Variants in RAPGEF2 observed in about 807,000 individuals in gnomAD.
RAPGEF2 encodes Rap guanine nucleotide exchange factor 2.
RAPGEF2 carries 54 observed loss-of-function variants against 186.7 expected under a neutral mutation model. That is an observed-to-expected ratio of 0.29 (90% CI 0.23 to 0.36). The LOEUF is 0.36. Among genes scored for constraint, RAPGEF2 ranks in the 10% least tolerant of loss-of-function variants. The probability of loss-of-function intolerance (pLI) is 1.00; values close to 1 mark genes in which losing one functional copy is unlikely to be tolerated. For missense variants in RAPGEF2, 1,532 were observed against 2,045.0 expected (o/e 0.75, Z 4.84); for synonymous variants, 712 against 705.9 (o/e 1.01, Z -0.14).
At chr4:159,154,469 C>G (rs1371034688) in intron 1 of RAPGEF2, among the ~76,000 whole-genome samples, 1 of 150,778 alleles carries the variant, frequency 6.6e-6, no homozygotes, top group African/African-American at 2.4e-5. Flanking sequence ...ATTACAAACA[C>G]ATTCTTATGT....
At chr4:159,322,582 C>G in intron 10 of RAPGEF2, 99 bp downstream of exon 10, 1 of 946,460 alleles carries the variant, frequency 1.1e-6, no homozygotes, top group Non-Finnish European at 1.6e-6. Flanking sequence ...CTTTTTAATA[C>G]CCAACAACAG....
intron 1 of RAPGEF2, among the ~76,000 whole-genome samples, chr4:159,107,454 A>G (rs1218232606): frequency 6.6e-6 from 1 of 152,194 alleles, no homozygotes; most frequent in East Asian, 1.9e-4. Context: ...GTCTAAATGC[A>G]TACCATTTTC....
At chr4:159,136,228 C>T (rs192992955) in intron 1 of RAPGEF2, among the ~76,000 whole-genome samples, 1 of 152,246 alleles carries the variant, frequency 6.6e-6, no homozygotes, top group East Asian at 1.9e-4. Flanking sequence ...TTATTAAACG[C>T]CACTTTTTCA....
In RAPGEF2 at chr4:159,266,045, G is replaced by C. The variant is rs1757387563; in HGVS notation, c.543+22254G>C. On this transcript the variant is annotated intron_variant, in intron 7 of 29. Transcript: ENST00000691494. ...GAAGTGGAGGAAGAGGAAAATACCT[G>C]GTCTGGAGAATGATTCTGTTTTTGT... Among the ~76,000 whole-genome samples the C allele has an allele frequency of 2.0e-5, 3 of 152,148 alleles. No homozygotes were observed. The South Asian group carries it at 6.2e-4, about 32-fold the overall frequency.
chr4:159,329,175 C>A (rs1579960039), intron 11 of RAPGEF2: 1 of 151,984 alleles, frequency 6.6e-6, no homozygotes, highest in African/African-American at 2.4e-5. Flanking sequence ...AATGTAATTT[C>A]TTAAGTGGTT....
Position 159,112,870 on chromosome 4 carries a change from A to G in RAPGEF2, c.69+8639A>G, listed in dbSNP as rs1001252888. Among the ~76,000 whole-genome samples the G allele has an allele frequency of 9.9e-5, 15 of 152,210 alleles. No homozygotes were observed. The East Asian group carries it at 1.7e-3, about 18-fold the overall frequency. On this transcript the variant is annotated intron_variant, in intron 1 of 29. Coordinates refer to ENST00000691494, the MANE Select transcript of RAPGEF2 (RefSeq NM_001394067.2). Reference sequence around the variant, plus strand: ...ATTAACTATAAAGGAAAAAATCAATACTTAATAGTGAAGAAAACTGGTAAT... The same window carrying G: ...ATTAACTATAAAGGAAAAAATCAATGCTTAATAGTGAAGAAAACTGGTAAT...
chr4:159,354,414 C>A (rs1731655495), intron 28 of RAPGEF2, among the ~76,000 whole-genome samples: 2 of 152,088 alleles, frequency 1.3e-5, no homozygotes, highest in Admixed American at 1.3e-4. Context: ...TCTTTTATAT[C>A]TTTGATTCTT....
intron 7 of RAPGEF2, among the ~76,000 whole-genome samples, chr4:159,261,227 A>T (rs1201129808): frequency 1.3e-5 from 2 of 151,356 alleles, no homozygotes; most frequent in African/African-American, 4.9e-5. Context: ...AGACTGGCTA[A>T]TTTTTTTTGT....
At chr4:159,343,769 T>C (rs1461380576) in intron 22 of RAPGEF2, among the ~76,000 whole-genome samples, 1 of 152,216 alleles carries the variant, frequency 6.6e-6, no homozygotes, top group Non-Finnish European at 1.5e-5. Flanking sequence ...ACAACAAATT[T>C]AGCTAGCAGT....
chr4:159,171,700 A>G (rs1381678005), intron 1 of RAPGEF2, among the ~76,000 whole-genome samples: 1 of 152,028 alleles, frequency 6.6e-6, no homozygotes, highest in African/African-American at 2.4e-5. Flanking sequence ...TTTTTTAAGA[A>G]TCTTTCATGG....
chr4:159,259,530 A>G (rs1040702234), intron 7 of RAPGEF2, among the ~76,000 whole-genome samples: 1 of 152,216 alleles, frequency 6.6e-6, no homozygotes, highest in African/African-American at 2.4e-5. Flanking sequence ...ATAAGTTTTT[A>G]CTAGTAAGTA....
At chr4:159,182,395 T>C (rs1226869894) in intron 1 of RAPGEF2, among the ~76,000 whole-genome samples, 3 of 137,748 alleles carry the variant, frequency 2.2e-5, no homozygotes, top group Non-Finnish European at 4.7e-5. Context: ...TCTTTTTTTT[T>C]TTTTTTTTTT....
intron 8 of RAPGEF2, among the ~76,000 whole-genome samples, chr4:159,310,335 A>T (rs1175746288): frequency 6.6e-6 from 1 of 152,160 alleles, no homozygotes; most frequent in East Asian, 1.9e-4. Context: ...TAAGAGCTTT[A>T]AAAAATTGTT....
At chr4:159,125,887 G>A (rs1042028180) in intron 1 of RAPGEF2, among the ~76,000 whole-genome samples, 1 of 152,174 alleles carries the variant, frequency 6.6e-6, no homozygotes, top group Non-Finnish European at 1.5e-5. Flanking sequence ...TTAGTTGAGA[G>A]CATTTGCTTT....
At chr4:159,267,628 C>G (rs1757577367) in intron 7 of RAPGEF2, 2 of 634,858 alleles carry the variant, frequency 3.2e-6, no homozygotes, top group African/African-American at 3.8e-5. Context: ...CTTTTTTTCT[C>G]TTGGTTGGAG....
intron 11 of RAPGEF2, chr4:159,329,054 A>G (rs1766314873): frequency 6.6e-6 from 1 of 152,112 alleles, no homozygotes; most frequent in South Asian, 2.1e-4. Flanking sequence ...AAGAAATACC[A>G]TGCTTCTTTC....
chr4:159,332,331 G>A (rs1766800082), intron 16 of RAPGEF2, 120 bp from the exon 17 acceptor site: 4 of 1,044,336 alleles, frequency 3.8e-6, no homozygotes, highest in Non-Finnish European at 2.8e-6. Flanking sequence ...CTGCAGGTTT[G>A]CAGTTTTGAT....
chr4:159,275,762 A>G (rs1758779677), intron 7 of RAPGEF2, among the ~76,000 whole-genome samples: 1 of 152,130 alleles, frequency 6.6e-6, no homozygotes, highest in Non-Finnish European at 1.5e-5. Flanking sequence ...AGTGGCAGAA[A>G]AGAACATCAC....
intron 7 of RAPGEF2, chr4:159,268,058 TTC>T: frequency 6.7e-7 from 1 of 1,496,688 alleles, no homozygotes; most frequent in Non-Finnish European, 8.9e-7. Context: ...CTTTTTTTTT[TTC>T]CTTTTTCTTT....
Sources: allele counts gnomAD v4.1 joint callset (sites outside exome capture counted in the v4.1 genomes callset), GRCh38; gene constraint gnomAD v4.1.1; transcripts MANE v1.5; gene names NCBI Gene and HGNC (gene_info 2026-07-23, HGNC 2026-07-21).